DNAH12: variants seen among roughly 807,000 people sequenced by gnomAD.
DNAH12 encodes axonemal beta dynein heavy chain 12.
A neutral mutation model predicts 371.5 loss-of-function variants in DNAH12; 285 were observed. The ratio of observed to expected loss-of-function variants is 0.77; its 90% CI spans 0.70 to 0.85. DNAH12 has a LOEUF of 0.85. Ranked by LOEUF, DNAH12 falls within the 40% of genes least tolerant of loss-of-function variation. The pLI is 0.00. For missense variants in DNAH12, 3,611 were observed against 3,689.4 expected, an observed-to-expected ratio of 0.98 and a Z score of 0.55; for synonymous variants, 1,200 against 1,213.0, an observed-to-expected ratio of 0.99 and a Z score of 0.22.
intron 62 of DNAH12, among the ~76,000 whole-genome samples, chr3:57,330,498 G>T (rs747985338): frequency 2.0e-5 from 3 of 147,658 alleles, no homozygotes; most frequent in South Asian, 2.2e-4. Context: ...TCACTCATAG[G>T]TGGGAATCGA....
In DNAH12 at chr3:57,396,208, G is replaced by T. The variant is rs1371190011; in HGVS notation, c.6949-1876C>A. ...CAGGAGAATCGCTTGAACCTGGGAG[G>T]CAGAGGTTGCAGTGAGCCAGGATTG... is the stretch of plus-strand genomic sequence containing the variant. On this transcript the variant is annotated intron_variant, in intron 43 of 73. Transcript: ENST00000495027. Among the ~76,000 whole-genome samples the T allele has an allele frequency of 1.3e-4, 18 of 143,592 alleles. No homozygotes were observed. In the South Asian group the frequency reaches 2.8e-3, roughly 22 times the overall value. 94.2% of individuals were successfully genotyped at this position (143,592 alleles called of 152,430 possible).
Position 57,329,958 on chromosome 3 carries a change from A to G in DNAH12, c.9978+4507T>C, listed in dbSNP as rs1173162970. Among the ~76,000 whole-genome samples, 6 of 152,080 alleles carry G rather than the reference A, an allele frequency of 3.9e-5. No individual in the cohort carries two copies. In the East Asian group the frequency reaches 1.2e-3, roughly 29 times the overall value. On this transcript the variant is annotated intron_variant, in intron 62 of 73. Transcript: ENST00000495027. ...ATTTATGCAGCCAAAAAACACATGA[A>G]AAAATGCTCACCATCACTGGCCATC...
intron 11 of DNAH12, among the ~76,000 whole-genome samples, chr3:57,500,132 C>A (rs940535106): frequency 7.1e-6 from 1 of 140,794 alleles, no homozygotes. Flanking sequence ...CCTTCGCCTC[C>A]CAGGTTCAAG....
chr3:57,463,561 A>AT (rs2066116477), intron 17 of DNAH12, among the ~76,000 whole-genome samples: 1 of 151,856 alleles, frequency 6.6e-6, no homozygotes, highest in African/African-American at 2.4e-5. Context: ...AATATTGTAA[A>AT]TTTTTTTAAT....
At position 57,508,465 on chromosome 3, in the gene DNAH12, A is replaced by G. The variant is rs201962915; in HGVS notation, c.618T>C (p.Ile206=). 2.9e-5 allele frequency: 46 copies of G among 1,613,528 alleles called. No homozygotes were observed. The highest frequency in any genetic ancestry group is 3.7e-5 in the Non-Finnish European group (44 of 1,179,850). Reference sequence around the variant, plus strand: ...GTAACATTTTCATAGTTGGATGAATAATGTGCAAATTAGAGAATATTTGAT... The same window carrying G: ...GTAACATTTTCATAGTTGGATGAATGATGTGCAAATTAGAGAATATTTGAT... The part of the protein sequence containing the change: ...ARNQIFSNLH[I]IHPTMKMLLD... The change falls in exon 7 of 74, where the codon ATT becomes ATC. Residue 206 remains isoleucine, a synonymous_variant. Coordinates refer to ENST00000495027, the MANE Select transcript of DNAH12 (RefSeq NM_001366028.2).
intron 40 of DNAH12, 124 bp from the exon 41 acceptor site, chr3:57,406,076 C>T (rs539223548): frequency 1.6e-5 from 17 of 1,039,530 alleles, no homozygotes; most frequent in East Asian, 8.0e-5. Context: ...TTGGGCTGGG[C>T]GCGGTGGCTC....
In DNAH12 at chr3:57,468,785, G is replaced by A. The variant is rs1422368535; in HGVS notation, c.2300C>T (p.Ala767Val). Residue 767 changes from alanine (A) to valine (V), a missense_variant, in exon 17 of 74, where the codon GCT becomes GTT. Ala to Val is a moderately conservative substitution (Grantham distance 64, BLOSUM62 0). Around this residue, in one of 3 missense-constraint regions of DNAH12, gnomAD observed 1,314 missense variants for 1,398.7 expected, o/e 0.94. Transcript: ENST00000495027. ...EKIEEEPKDN[A>V]TITMCSTVME... is the part of the protein sequence containing the mutation. ...GACTGTACTGCACATAGTAATAGTAGCATTGTCTTTTGGTTCTTCTTCAAT... is the reference window on the plus strand; with the variant it reads ...GACTGTACTGCACATAGTAATAGTAACATTGTCTTTTGGTTCTTCTTCAAT... 3 of 1,530,650 alleles carry A rather than the reference G, an allele frequency of 2.0e-6. No homozygotes were observed. Among genetic ancestry groups the A allele is most frequent in the Non-Finnish European group, 1.8e-6 (2 of 1,142,072 alleles). 94.8% of individuals were successfully genotyped at this position (1,530,650 alleles called of 1,614,324 possible). A position where few individuals can be genotyped will look rare whatever the true frequency, so the allele number is the denominator to read the frequency against.
chr3:57,387,699 G>T (rs1218431653), intron 45 of DNAH12, among the ~76,000 whole-genome samples: 1 of 152,140 alleles, frequency 6.6e-6, no homozygotes, highest in East Asian at 1.9e-4. Context: ...TTGTTGGGTG[G>T]AGACTTCAGG....
At chr3:57,492,151 C>T (rs2067149517) in intron 11 of DNAH12, among the ~76,000 whole-genome samples, 1 of 151,308 alleles carries the variant, frequency 6.6e-6, no homozygotes, top group Non-Finnish European at 1.5e-5. Context: ...AACAGAGACC[C>T]TGTCTCTAAA....
At chr3:57,346,261 T>C (rs868949638) in intron 60 of DNAH12, among the ~76,000 whole-genome samples, 7 of 152,086 alleles carry the variant, frequency 4.6e-5, no homozygotes, top group Admixed American at 1.3e-4. Flanking sequence ...ACTATAGCTA[T>C]GGATAAGTGA....
intron 11 of DNAH12, among the ~76,000 whole-genome samples, chr3:57,493,061 C>A (rs1430002791): frequency 6.6e-6 from 1 of 151,994 alleles, no homozygotes; most frequent in African/African-American, 2.4e-5. Context: ...TATACTTGGT[C>A]TTGATATTTA....
At position 57,502,413 on chromosome 3, in the gene DNAH12, G is replaced by C. The variant is rs749837949; in HGVS notation, c.1153C>G (p.Pro385Ala). 3 of 1,614,066 alleles carry C rather than the reference G, an allele frequency of 1.9e-6. No homozygotes were observed. In the African/African-American group the frequency reaches 4.0e-5, roughly 22 times the overall value. The change falls in exon 10 of 74, where the codon CCT becomes GCT. Residue 385 changes from proline to alanine, a missense_variant. Physicochemically the swap from Pro to Ala is conservative, Grantham distance 27. Around this residue, in one of 3 missense-constraint regions of DNAH12, gnomAD observed 1,314 missense variants for 1,398.7 expected, o/e 0.94. Coordinates refer to ENST00000495027, the MANE Select transcript of DNAH12 (RefSeq NM_001366028.2). ...ACAGCCCAGTGTAACACGTGTTCAGGAAGTTCTGTGTCAAGATTTACTGGT... is the reference window on the plus strand; with the variant it reads ...ACAGCCCAGTGTAACACGTGTTCAGCAAGTTCTGTGTCAAGATTTACTGGT... Reference protein sequence around the residue: ...STPVNLDTELPEHVLHWAVDT... With the variant: ...STPVNLDTELAEHVLHWAVDT...
chr3:57,364,284 A>G (rs1308620598), intron 57 of DNAH12, among the ~76,000 whole-genome samples: 1 of 152,210 alleles, frequency 6.6e-6, no homozygotes, highest in Non-Finnish European at 1.5e-5. Context: ...CATGGAATAG[A>G]ATAAGTTATG....
chr3:57,450,695 A>C (rs1188075270), intron 25 of DNAH12, among the ~76,000 whole-genome samples: 6 of 152,336 alleles, frequency 3.9e-5, no homozygotes, highest in Admixed American at 3.9e-4. Flanking sequence ...TTTAGGGATA[A>C]CTGTGTCCTT....
chr3:57,356,502 AAG>A (rs1312964938), intron 59 of DNAH12, among the ~76,000 whole-genome samples: 2 of 151,086 alleles, frequency 1.3e-5, no homozygotes, highest in Admixed American at 6.6e-5. Context: ...ATAAAGAAAA[AAG>A]AAATGTGGGA....
chr3:57,511,477 A>G (rs1214088844), intron 4 of DNAH12, among the ~76,000 whole-genome samples: 1 of 152,226 alleles, frequency 6.6e-6, no homozygotes, highest in Non-Finnish European at 1.5e-5. Context: ...AAGACACTTG[A>G]TCTTAGTAAA....
chr3:57,395,737 G>A (rs1018303121), intron 43 of DNAH12, among the ~76,000 whole-genome samples: 296 of 151,924 alleles, frequency 1.9e-3, no homozygotes, highest in African/African-American at 6.8e-3. Context: ...TTGAGCCCAG[G>A]AGTTTGAGAG....
intron 10 of DNAH12, 87 bp from the exon 11 acceptor site, chr3:57,501,499 C>T: frequency 2.3e-6 from 2 of 855,916 alleles, no homozygotes; most frequent in African/African-American, 1.8e-5. Flanking sequence ...GAATGGGGAC[C>T]TACTCAATTA....
intron 17 of DNAH12, among the ~76,000 whole-genome samples, chr3:57,467,087 T>G (rs2153379232): frequency 6.6e-6 from 1 of 152,236 alleles, no homozygotes; most frequent in South Asian, 2.1e-4. Context: ...CTATTTCTCT[T>G]CATTAGCACT....
Sources: allele counts gnomAD v4.1 joint callset (sites outside exome capture counted in the v4.1 genomes callset), GRCh38; gene constraint gnomAD v4.1.1; regional missense constraint gnomAD v4.1.1; transcripts MANE v1.5; gene names NCBI Gene and HGNC (gene_info 2026-07-23, HGNC 2026-07-21).